The following PARD3B variants were observed in gnomAD, a reference collection of about 807,000 sequenced individuals.
PARD3B encodes partitioning defective 3 homolog B.
A neutral mutation model predicts 130.2 loss-of-function variants in PARD3B; 103 were observed. The ratio of observed to expected loss-of-function variants is 0.79; its 90% CI spans 0.67 to 0.93. The LOEUF (loss-of-function observed/expected upper bound fraction) is 0.93, where lower values mean the gene tolerates loss of function less well. Ranked by LOEUF, PARD3B falls within the 40% of genes least tolerant of loss-of-function variation. The pLI, the probability that PARD3B is intolerant of heterozygous loss-of-function variation, is 0.00. For missense variants in PARD3B, 1,609 were observed against 1,499.2 expected, an observed-to-expected ratio of 1.07 and a Z score of -1.21; for synonymous variants, 583 against 553.2, an observed-to-expected ratio of 1.05 and a Z score of -0.76.
intron 2 of PARD3B, among the ~76,000 whole-genome samples, chr2:204,888,470 C>T (rs2046336551): frequency 6.6e-6 from 1 of 152,136 alleles, no homozygotes; most frequent in African/African-American, 2.4e-5. Flanking sequence ...AGTGACTCAT[C>T]CCTATAATCC....
intron 4 of PARD3B, among the ~76,000 whole-genome samples, chr2:205,054,436 ATTTTTTTTTTTTTTTT>A (rs769918623): frequency 4.2e-4 from 12 of 28,438 alleles, no homozygotes; most frequent in Non-Finnish European, 6.8e-4. Context: ...ATATATATAT[ATTTTTTTTTTTTTTTT>A]TTTTTAATTA....
rs144406015 is a variant in PARD3B, at chr2:204,813,179, G to A, written c.222+126897G>A. Among the ~76,000 whole-genome samples the A allele has an allele frequency of 5.0e-3, 764 of 152,278 alleles. 9 individuals are homozygous for A. The highest frequency in any genetic ancestry group is 0.017 in the African/African-American group (702 of 41,566). ...TTTTTACACTCACACCAATATTGGA[G>A]TTCCAGTTACTATACTTCCTCACCA... is the stretch of plus-strand genomic sequence containing the variant. On this transcript the variant is annotated intron_variant, in intron 2 of 22. Transcript: ENST00000406610.
intron 3 of PARD3B, among the ~76,000 whole-genome samples, chr2:205,037,572 A>G (rs973590149): frequency 6.7e-6 from 1 of 148,324 alleles, no homozygotes; most frequent in Non-Finnish European, 1.5e-5. Flanking sequence ...TGGACTATAT[A>G]TAAGATATAT....
At chr2:204,780,954 C>T (rs578087393) in intron 2 of PARD3B, among the ~76,000 whole-genome samples, 13 of 151,944 alleles carry the variant, frequency 8.6e-5, no homozygotes, top group Non-Finnish European at 1.5e-4. Flanking sequence ...TGGGGGTGAC[C>T]ATCAATATGG....
intron 16 of PARD3B, among the ~76,000 whole-genome samples, chr2:205,262,722 T>C (rs2040361832): frequency 6.6e-6 from 1 of 152,070 alleles, no homozygotes; most frequent in South Asian, 2.1e-4. Context: ...AAACACTATG[T>C]AGGGGAATAC....
At chr2:205,297,443 T>G (rs1480752547) in intron 16 of PARD3B, among the ~76,000 whole-genome samples, 1 of 152,212 alleles carries the variant, frequency 6.6e-6, no homozygotes, top group Non-Finnish European at 1.5e-5. Flanking sequence ...CCACACAATC[T>G]TTACAGGGAG....
At chr2:204,559,586 G>T (rs1306893284) in intron 1 of PARD3B, among the ~76,000 whole-genome samples, 1 of 152,190 alleles carries the variant, frequency 6.6e-6, no homozygotes, top group Non-Finnish European at 1.5e-5. Flanking sequence ...TTATGCTGTT[G>T]GTTGGAATGT....
intron 1 of PARD3B, among the ~76,000 whole-genome samples, chr2:204,554,717 A>G (rs1270082902): frequency 6.6e-6 from 1 of 151,862 alleles, no homozygotes; most frequent in African/African-American, 2.4e-5. Flanking sequence ...AATTATAATC[A>G]GGTCATGTCA....
In PARD3B at chr2:205,121,496, A is replaced by G. The variant is rs984092229; in HGVS notation, c.807-95A>G. The stretch of plus-strand genomic sequence containing the variant: ...TTGATCGTGTCTCCTATGATTAGCC[A>G]CTGTGCTGCTCTTGGTTGCCATCCT... On this transcript the variant is annotated intron_variant, in intron 7 of 22. Coordinates refer to ENST00000406610, the MANE Select transcript of PARD3B (RefSeq NM_001302769.2). The surrounding 1 kb of genome is among the most constrained non-coding windows in gnomAD (Gnocchi z 5.0). 1 of 1,022,930 alleles carries G rather than the reference A, an allele frequency of 9.8e-7. No homozygotes were observed. The allele number at this position is 1,022,930 out of a possible 1,614,324, so 63.4% of individuals were successfully genotyped here. A position where few individuals can be genotyped will look rare whatever the true frequency, so the allele number is the denominator to read the frequency against.
At chr2:205,177,944 A>G (rs537033806) in intron 13 of PARD3B, among the ~76,000 whole-genome samples, 2 of 152,110 alleles carry the variant, frequency 1.3e-5, no homozygotes, top group African/African-American at 4.8e-5. Context: ...AAACCACAGC[A>G]TGGGTCTGAC....
At chr2:205,400,931 G>C in intron 18 of PARD3B, 82 bp from the exon 19 acceptor site, 1 of 945,348 alleles carries the variant, frequency 1.1e-6, no homozygotes, top group Non-Finnish European at 1.6e-6. Context: ...ATGACTTAAT[G>C]AGCTCATCCC....
At chr2:204,848,752 C>G (rs935547308) in intron 2 of PARD3B, among the ~76,000 whole-genome samples, 8 of 151,756 alleles carry the variant, frequency 5.3e-5, no homozygotes, top group African/African-American at 1.9e-4. Flanking sequence ...TATTCTTAAA[C>G]TAAAAGCTGG....
At chr2:204,859,926 G>T (rs1461532776) in intron 2 of PARD3B, among the ~76,000 whole-genome samples, 1 of 152,082 alleles carries the variant, frequency 6.6e-6, no homozygotes, top group Non-Finnish European at 1.5e-5. Flanking sequence ...TTAAAGTCAA[G>T]AATTTTAAGC....
At chr2:204,762,761 C>CTTTTTTTTTTTTTTTTTTT (rs5837937) in intron 2 of PARD3B, among the ~76,000 whole-genome samples, 1 of 32,622 alleles carries the variant, frequency 3.1e-5, no homozygotes, top group African/African-American at 4.6e-5. Flanking sequence ...TTTTCTTTTT[C>CTTTTTTTTTTTTTTTTTTT]TTTTTTTTTT....
rs1288206948 is a variant in PARD3B, at chr2:205,309,326, A to G, written c.2630+7625A>G. 6.6e-6 allele frequency among the ~76,000 whole-genome samples: 1 copy of G among 152,190 alleles called. No individual in the cohort carries two copies. Among genetic ancestry groups the G allele is most frequent in the African/African-American group, 2.4e-5 (1 of 41,448 alleles). The stretch of plus-strand genomic sequence containing the variant: ...TCTTCTCAACTCAGATAATGCAAGC[A>G]TACCTCAAAGATAGACTAGTTCGGT... On this transcript the variant is annotated intron_variant, in intron 18 of 22. Coordinates refer to ENST00000406610, the MANE Select transcript of PARD3B (RefSeq NM_001302769.2). The surrounding 1 kb of genome is among the most constrained non-coding windows in gnomAD (Gnocchi z 4.7).
intron 18 of PARD3B, among the ~76,000 whole-genome samples, chr2:205,395,963 T>C (rs2046013724): frequency 6.6e-6 from 1 of 152,184 alleles, no homozygotes. Context: ...AACCACAAGC[T>C]TCTCTCACAC....
intron 21 of PARD3B, among the ~76,000 whole-genome samples, chr2:205,527,647 CA>C (rs2051396784): frequency 6.6e-6 from 1 of 152,282 alleles, no homozygotes; most frequent in East Asian, 1.9e-4. Context: ...TAAGGCCAGG[CA>C]AAGGCAATAA....
intron 16 of PARD3B, among the ~76,000 whole-genome samples, chr2:205,283,409 T>C (rs1225308303): frequency 1.3e-5 from 2 of 152,176 alleles, no homozygotes; most frequent in Admixed American, 1.3e-4. Context: ...CTCAGCCTCC[T>C]GAGTAGCTGG....
At chr2:205,238,939 T>TATATATATATGTATGTGC (rs2039228803) in intron 15 of PARD3B, among the ~76,000 whole-genome samples, 1 of 94,226 alleles carries the variant, frequency 1.1e-5, no homozygotes, top group African/African-American at 4.9e-5. Flanking sequence ...TGTATGTGCA[T>TATATATATATGTATGTGC]ATATATATAT....
Sources: allele counts gnomAD v4.1 joint callset (sites outside exome capture counted in the v4.1 genomes callset), GRCh38; gene constraint gnomAD v4.1.1; non-coding constraint Gnocchi (gnomAD v3.1); transcripts MANE v1.5; gene names NCBI Gene and HGNC (gene_info 2026-07-23, HGNC 2026-07-21).